CCDC73: variants seen among roughly 807,000 people sequenced by gnomAD.
CCDC73 encodes coiled-coil domain-containing protein 73.
Under a neutral mutation model 116.5 loss-of-function variants are expected in CCDC73, and 95 were observed. The observed-to-expected ratio is 0.82, with a 90% CI of 0.69 to 0.97. The LOEUF (loss-of-function observed/expected upper bound fraction) is 0.97. CCDC73 is among the 50% of genes least tolerant of loss of function. CCDC73 has a pLI of 0.00. For missense variants in CCDC73, 1,066 were observed against 1,206.8 expected, an observed-to-expected ratio of 0.88 and a Z score of 1.73; for synonymous variants, 398 against 401.3, an observed-to-expected ratio of 0.99 and a Z score of 0.10.
At chr11:32,717,962 C>G (rs974269182) in intron 3 of CCDC73, 114 bp downstream of exon 3, 14 of 684,258 alleles carry the variant, frequency 2.0e-5, no homozygotes, top group African/African-American at 2.0e-4. Flanking sequence ...GGGGAAACTG[C>G]CCAAATGATT....
intron 9 of CCDC73, among the ~76,000 whole-genome samples, chr11:32,670,961 A>C (rs1433234096): frequency 6.6e-6 from 1 of 152,188 alleles, no homozygotes; most frequent in East Asian, 1.9e-4. Context: ...AGAGCATAAT[A>C]AATTAAAATC....
chr11:32,654,984 A>G lies in CCDC73; in HGVS notation c.646-12T>C. On this transcript the variant is annotated splice_polypyrimidine_tract_variant and intron_variant, in intron 9 of 17. Transcript: ENST00000335185. ...GCTTTTTTTAGTTCCTTAATAAGAA[A>G]CATATCAAACAGAAAATTCAGTACA... 6.3e-7 allele frequency: 1 copy of G among 1,579,420 alleles called. No homozygotes were observed. The highest frequency in any genetic ancestry group is 8.5e-7 in the Non-Finnish European group (1 of 1,169,744).
rs1225501477 is a variant in CCDC73, at chr11:32,683,603, T to A, written c.391-29A>T. On this transcript the variant is annotated intron_variant, in intron 6 of 17. Transcript: ENST00000335185. ...GAAAAATAAGGGGGAAAAATCTCAT[T>A]AAAATACTTTAATTATCTACACAAA... 3.1e-6 allele frequency: 4 copies of A among 1,273,874 alleles called. No homozygotes were observed. In the South Asian group the frequency reaches 3.8e-5, roughly 12 times the overall value. 78.9% of individuals were successfully genotyped at this position (1,273,874 alleles called of 1,614,324 possible).
At chr11:32,822,831 G>A in the CCDC73 span, among the ~76,000 whole-genome samples, 1 of 151,846 alleles carries the variant, frequency 6.6e-6, no homozygotes, top group Non-Finnish European at 1.5e-5. Context: ...AAAAATAGAA[G>A]AAAATAAGAA....
chr11:32,787,344 T>A (rs559014704), intron 1 of CCDC73, among the ~76,000 whole-genome samples: 4 of 152,220 alleles, frequency 2.6e-5, no homozygotes, highest in Non-Finnish European at 5.9e-5. Flanking sequence ...CTTATTGTTA[T>A]ACTATAACAG....
intron 13 of CCDC73, among the ~76,000 whole-genome samples, chr11:32,641,485 A>T (rs963752749): frequency 6.6e-6 from 1 of 152,042 alleles, no homozygotes; most frequent in African/African-American, 2.4e-5. Flanking sequence ...ATATGTTGTT[A>T]ATATGATAAA....
At chr11:32,736,716 G>A (rs1850133375) in intron 2 of CCDC73, among the ~76,000 whole-genome samples, 1 of 151,910 alleles carries the variant, frequency 6.6e-6, no homozygotes. Flanking sequence ...GCACACGTAT[G>A]TTTATTGCGG....
At chr11:32,738,222 G>A (rs1850152845) in intron 2 of CCDC73, among the ~76,000 whole-genome samples, 1 of 152,150 alleles carries the variant, frequency 6.6e-6, no homozygotes, top group South Asian at 2.1e-4. Context: ...TATACCTAGT[G>A]GTGGGATTGC....
At chr11:32,775,531 G>A (rs756455766) in intron 1 of CCDC73, among the ~76,000 whole-genome samples, 57 of 152,018 alleles carry the variant, frequency 3.7e-4, no homozygotes, top group Non-Finnish European at 7.5e-4. Context: ...TACTAGCTTT[G>A]TGAGGTCAAA....
chr11:32,675,539 G>T (rs1240826624), intron 9 of CCDC73, 26 bp downstream of exon 9: 1 of 1,344,104 alleles, frequency 7.4e-7, no homozygotes, highest in Non-Finnish European at 1.0e-6. Context: ...TTTTTACTTA[G>T]TAGTGTGAAA....
chr11:32,635,206 T>C (rs1416090477), intron 14 of CCDC73, among the ~76,000 whole-genome samples: 3 of 152,094 alleles, frequency 2.0e-5, no homozygotes, highest in Admixed American at 6.5e-5. Context: ...AAACAGAAAT[T>C]GAGACATTGA....
intron 1 of CCDC73, among the ~76,000 whole-genome samples, chr11:32,787,139 A>G (rs1850636083): frequency 1.3e-5 from 2 of 152,202 alleles, no homozygotes; most frequent in African/African-American, 2.4e-5. Context: ...ATAAAACAGA[A>G]TAATTCCTAT....
intron 9 of CCDC73, among the ~76,000 whole-genome samples, chr11:32,661,904 A>C (rs139159008): frequency 0.017 from 2,558 of 151,460 alleles, 74 homozygotes; most frequent in African/African-American, 0.057. Context: ...CTCATTGTTC[A>C]ATTCCCACCT....
intron 5 of CCDC73, among the ~76,000 whole-genome samples, 170 bp from the exon 6 acceptor site, chr11:32,699,495 G>A (rs1225221819): frequency 6.6e-6 from 1 of 152,070 alleles, no homozygotes; most frequent in African/African-American, 2.4e-5. Flanking sequence ...AAATCTCAAT[G>A]ATAGACTGGA....
chr11:32,650,588 C>A (rs1305983310), intron 12 of CCDC73, among the ~76,000 whole-genome samples: 2 of 152,048 alleles, frequency 1.3e-5, no homozygotes, highest in African/African-American at 4.8e-5. Flanking sequence ...TTAGTACTTG[C>A]TAACAGCTGG....
chr11:32,651,041 G>T (rs1411470264), intron 12 of CCDC73, among the ~76,000 whole-genome samples: 1 of 152,104 alleles, frequency 6.6e-6, no homozygotes, highest in African/African-American at 2.4e-5. Context: ...ACCCTCATAA[G>T]GTGCCTAAGG....
chr11:32,676,875 T>C (rs920580597), intron 7 of CCDC73, among the ~76,000 whole-genome samples: 6 of 152,360 alleles, frequency 3.9e-5, no homozygotes, highest in African/African-American at 1.4e-4. Flanking sequence ...ACTGGAGACA[T>C]AATTGGTAAA....
chr11:32,770,499 G>A (rs1850483705), intron 1 of CCDC73, among the ~76,000 whole-genome samples: 1 of 152,148 alleles, frequency 6.6e-6, no homozygotes, highest in African/African-American at 2.4e-5. Context: ...TACCAGGTAA[G>A]AGAGGTTCTT....
At chr11:32,796,246 T>C (rs12283079), upstream of CCDC73, among the ~76,000 whole-genome samples, 1,924 of 152,342 alleles carry the variant, frequency 0.013, 39 homozygotes, top group African/African-American at 0.044. Context: ...CAGAGATGAA[T>C]TTTGTTCACT....
Sources: gnomAD v4.1 joint callset for allele counts (sites outside exome capture counted in the v4.1 genomes callset) on GRCh38, gnomAD v4.1.1 for gene constraint, MANE v1.5 for transcripts, NCBI Gene and HGNC (gene_info 2026-07-23, HGNC 2026-07-21) for gene names.